Variants in PIK3C3 observed in about 807,000 individuals in gnomAD.
PIK3C3 encodes phosphatidylinositol 3-kinase catalytic subunit type 3, also known as PI3-kinase type 3.
PIK3C3 carries 95 observed loss-of-function variants against 126.1 expected under a neutral mutation model. The ratio of observed to expected loss-of-function variants is 0.75; its 90% CI spans 0.64 to 0.89. The LOEUF (loss-of-function observed/expected upper bound fraction) is 0.89. PIK3C3 is among the 40% of genes least tolerant of loss of function. PIK3C3 has a pLI of 0.00. For synonymous variants in PIK3C3, 374 were observed against 360.0 expected (o/e 1.04, Z -0.44); for missense variants, 829 against 1,063.2 (o/e 0.78, Z 3.06).
chr18:42,070,496 C>T (rs1985728006), intron 24 of PIK3C3: 1 of 151,928 alleles, frequency 6.6e-6, no homozygotes, highest in African/African-American at 2.4e-5. Context: ...TTTCTTAATT[C>T]TCTTTATTAA....
intron 1 of PIK3C3, 73 bp downstream of exon 1, chr18:41,955,432 T>C: frequency 7.7e-7 from 1 of 1,296,066 alleles, no homozygotes; most frequent in Non-Finnish European, 1.1e-6. Flanking sequence ...CTGTTGGGAG[T>C]GAGAGGCAGA....
chr18:41,992,910 A>G (rs1209394373), intron 6 of PIK3C3, among the ~76,000 whole-genome samples: 2 of 152,162 alleles, frequency 1.3e-5, no homozygotes, highest in African/African-American at 4.8e-5. Flanking sequence ...TTTTACATAT[A>G]GTCTGTGGTT....
At position 42,067,379 on chromosome 18, in the gene PIK3C3, A is replaced by G. The variant is rs188827029; in HGVS notation, c.2524-9A>G. ...CTTCGTTGTAAAGACTAAGAGTGTTATCTTATAGGTTCAGGATAAATTCCG... is the reference window on the plus strand; with the variant it reads ...CTTCGTTGTAAAGACTAAGAGTGTTGTCTTATAGGTTCAGGATAAATTCCG... On this transcript the variant is annotated splice_polypyrimidine_tract_variant and intron_variant, in intron 23 of 24. Transcript: ENST00000262039. The G allele has an allele frequency of 4.7e-4, 755 of 1,613,746 alleles. 3 individuals are homozygous for G. The African/African-American group carries it at 9.0e-3, about 19-fold the overall frequency.
intron 4 of PIK3C3, among the ~76,000 whole-genome samples, chr18:41,973,003 G>C (rs543381698): frequency 3.3e-5 from 5 of 152,124 alleles, no homozygotes; most frequent in Admixed American, 3.3e-4. Flanking sequence ...CTGCTAACTT[G>C]GGGAAAATAA....
intron 15 of PIK3C3, among the ~76,000 whole-genome samples, chr18:42,031,245 A>G (rs549854902): frequency 7.9e-5 from 12 of 152,316 alleles, no homozygotes; most frequent in Non-Finnish European, 1.6e-4. Context: ...CGAGAGCTAT[A>G]TCACAGTGGG....
At chr18:41,988,647 GAGA>G (rs1458817125) in intron 5 of PIK3C3, among the ~76,000 whole-genome samples, 1 of 152,110 alleles carries the variant, frequency 6.6e-6, no homozygotes, top group Non-Finnish European at 1.5e-5. Flanking sequence ...GGTAGAAAGA[GAGA>G]AGTTTTTAAT....
intron 22 of PIK3C3, among the ~76,000 whole-genome samples, chr18:42,059,221 T>A (rs1985208246): frequency 6.6e-6 from 1 of 152,330 alleles, no homozygotes; most frequent in African/African-American, 2.4e-5. Flanking sequence ...GTCTTTTCCA[T>A]GTATCACAAA....
chr18:41,960,597 C>T (rs767080661), intron 2 of PIK3C3, among the ~76,000 whole-genome samples: 5 of 151,870 alleles, frequency 3.3e-5, no homozygotes, highest in African/African-American at 9.7e-5. Context: ...TGAGGGTTAG[C>T]GGATGGGGTA....
intron 24 of PIK3C3, 57 bp downstream of exon 24, chr18:42,067,570 TCCTTGG>T (rs1568009352): frequency 1.3e-6 from 2 of 1,579,976 alleles, no homozygotes; most frequent in African/African-American, 2.7e-5. Context: ...TGCCCCAGAG[TCCTTGG>T]AGAGCCATGC....
Position 42,081,200 on chromosome 18 carries a change from GTA to G in PIK3C3, c.*67_*68del. On this transcript the variant is annotated 3_prime_UTR_variant, in exon 25 of 25. Coordinates refer to ENST00000262039, the MANE Select transcript of PIK3C3 (RefSeq NM_002647.4). ...GAAAACCACGTTAGGAGCAACCTTTGTATATTGGAGACTTCAGAGTAACCAGC... is the reference window on the plus strand; with the variant it reads ...GAAAACCACGTTAGGAGCAACCTTTGTATTGGAGACTTCAGAGTAACCAGC... 1.9e-6 allele frequency: 2 copies of G among 1,058,030 alleles called. No homozygotes were observed. The highest frequency in any genetic ancestry group is 2.8e-6 in the Non-Finnish European group (2 of 703,438). The allele number at this position is 1,058,030 out of a possible 1,614,324, so 65.5% of individuals were successfully genotyped here. A position where few individuals can be genotyped will look rare whatever the true frequency, so the allele number is the denominator to read the frequency against.
intron 20 of PIK3C3, among the ~76,000 whole-genome samples, chr18:42,046,657 A>G (rs373172323): frequency 6.6e-6 from 1 of 152,136 alleles, no homozygotes; most frequent in South Asian, 2.1e-4. Context: ...AAAATTTTCT[A>G]GCAAATTTAT....
chr18:41,960,125 G>A (rs1036136025), intron 2 of PIK3C3, among the ~76,000 whole-genome samples: 65 of 152,260 alleles, frequency 4.3e-4, no homozygotes, highest in African/African-American at 1.5e-3. Flanking sequence ...TTCTGATAGT[G>A]AGTTGTGAGA....
chr18:42,017,092 A>G (rs1051806098), intron 12 of PIK3C3, among the ~76,000 whole-genome samples: 5 of 152,078 alleles, frequency 3.3e-5, no homozygotes, highest in Admixed American at 2.0e-4. Context: ...GGTATCCAGA[A>G]AAGAGTGGCA....
chr18:42,059,532 A>T (rs1985222939), intron 22 of PIK3C3, among the ~76,000 whole-genome samples: 1 of 152,202 alleles, frequency 6.6e-6, no homozygotes, highest in Non-Finnish European at 1.5e-5. Context: ...ATCTTATTGA[A>T]AGCAGAAGGA....
At chr18:42,038,928 T>C (rs530275712) in intron 18 of PIK3C3, 78 bp downstream of exon 18, 32 of 872,222 alleles carry the variant, frequency 3.7e-5, no homozygotes, top group East Asian at 1.6e-4. Context: ...TTTTTAAGTA[T>C]GTTAGAGATA....
intron 19 of PIK3C3, 138 bp from the exon 20 acceptor site, chr18:42,043,595 T>C (rs751187745): frequency 3.6e-5 from 19 of 534,394 alleles, no homozygotes; most frequent in Non-Finnish European, 5.7e-5. Context: ...TACAATTCTT[T>C]TGTTCAGTCA....
chr18:42,058,826 C>T lies in PIK3C3; in HGVS notation c.2432+775C>T, dbSNP rs147332116. Among the ~76,000 whole-genome samples the T allele has an allele frequency of 1.9e-3, 291 of 152,302 alleles. 1 individual carries two copies. The highest frequency in any genetic ancestry group is 6.4e-3 in the African/African-American group (267 of 41,566). ...TCAAAAATGACAGGATCATTTGACT[C>T]ATGCTATTTTCAGCCCAACTATGCA... On this transcript the variant is annotated intron_variant, in intron 22 of 24. Transcript: ENST00000262039.
chr18:41,955,692 G>C (rs2144279422), intron 1 of PIK3C3, among the ~76,000 whole-genome samples: 1 of 152,328 alleles, frequency 6.6e-6, no homozygotes, highest in Non-Finnish European at 1.5e-5. Context: ...AAGTCTCGTC[G>C]TAAGTAAGAG....
intron 19 of PIK3C3, among the ~76,000 whole-genome samples, chr18:42,042,731 T>G (rs1045193859): frequency 1.5e-4 from 23 of 152,338 alleles, no homozygotes. Context: ...TAGATCACAT[T>G]CAGCTTTACT....
Sources: allele counts gnomAD v4.1 joint callset (sites outside exome capture counted in the v4.1 genomes callset), GRCh38; gene constraint gnomAD v4.1.1; transcripts MANE v1.5; gene names NCBI Gene and HGNC (gene_info 2026-07-23, HGNC 2026-07-21).